The following RANBP2 variants were observed in gnomAD, a reference collection of about 807,000 sequenced individuals.
The protein encoded by RANBP2 is E3 SUMO-protein ligase RanBP2.
In RANBP2, 57 loss-of-function variants were observed where a neutral mutation model predicts 303.6. That is an observed-to-expected ratio of 0.19 (90% CI 0.15 to 0.23). RANBP2 has a LOEUF of 0.23. Ranked by LOEUF, RANBP2 falls within the 10% of genes least tolerant of loss-of-function variation. RANBP2 has a pLI of 1.00. For synonymous variants in RANBP2, 1,167 were observed against 1,301.5 expected, an observed-to-expected ratio of 0.90 and a Z score of 2.23; for missense variants, 3,138 against 3,780.8, an observed-to-expected ratio of 0.83 and a Z score of 4.46.
chr2:108,781,493 C>T (rs1006048401), intron 26 of RANBP2, 64 bp downstream of exon 26: 88 of 1,489,980 alleles, frequency 5.9e-5, no homozygotes, highest in Non-Finnish European at 7.7e-5. Context: ...TTTACCCTGG[C>T]TTGATCTGTC....
At chr2:108,768,703 A>C (rs1677288757) in intron 20 of RANBP2, among the ~76,000 whole-genome samples, 1 of 152,010 alleles carries the variant, frequency 6.6e-6, no homozygotes, top group Non-Finnish European at 1.5e-5. Context: ...TAAAGTGTTC[A>C]TTTTCATTTG....
chr2:109,087,906 A>G, the RANBP2 span, among the ~76,000 whole-genome samples: 1 of 152,214 alleles, frequency 6.6e-6, no homozygotes, highest in South Asian at 2.1e-4. Context: ...TGCCAGGCAG[A>G]CCAGACTGTG....
the RANBP2 span, chr2:109,564,641 T>C: frequency 3.1e-6 from 3 of 966,520 alleles, no homozygotes; most frequent in South Asian, 3.1e-5. Flanking sequence ...AAACAACAAA[T>C]AGCAAATGAT....
At chr2:109,710,086 C>CA in the RANBP2 span, among the ~76,000 whole-genome samples, 1,901 of 70,024 alleles carry the variant, frequency 0.027, 30 homozygotes, top group African/African-American at 0.084. Flanking sequence ...GACTCCGTCT[C>CA]AAAAAAAAAA....
chr2:108,867,805 G>T, the RANBP2 span, among the ~76,000 whole-genome samples: 1 of 152,190 alleles, frequency 6.6e-6, no homozygotes, highest in Admixed American at 6.5e-5. Context: ...GCTGTGTTAT[G>T]TTCCAGCCTT....
At chr2:109,659,021 C>T in the RANBP2 span, among the ~76,000 whole-genome samples, 1 of 151,932 alleles carries the variant, frequency 6.6e-6, no homozygotes, top group African/African-American at 2.4e-5. Flanking sequence ...GCCAAGATCA[C>T]GCCATTGCAC....
chr2:109,402,039 C>T, the RANBP2 span, among the ~76,000 whole-genome samples: 1 of 152,220 alleles, frequency 6.6e-6, no homozygotes, highest in East Asian at 1.9e-4. Flanking sequence ...CCGCCTGTCT[C>T]CCTGTCCTGA....
chr2:109,451,119 T>C, the RANBP2 span, among the ~76,000 whole-genome samples: 1 of 152,220 alleles, frequency 6.6e-6, no homozygotes, highest in South Asian at 2.1e-4. Flanking sequence ...TCCAGAGCAA[T>C]GGTTGTTCCC....
the RANBP2 span, among the ~76,000 whole-genome samples, chr2:108,940,825 C>A: frequency 6.6e-6 from 1 of 152,236 alleles, no homozygotes; most frequent in Non-Finnish European, 1.5e-5. Context: ...TGATTAGTGG[C>A]ACAGATTTTT....
the RANBP2 span, among the ~76,000 whole-genome samples, chr2:109,485,891 C>G: frequency 2.0e-5 from 3 of 152,260 alleles, no homozygotes; most frequent in African/African-American, 7.2e-5. Context: ...GTCCCTGGCC[C>G]TCCCTGGCCC....
the RANBP2 span, among the ~76,000 whole-genome samples, chr2:109,710,146 C>T: frequency 6.6e-6 from 1 of 151,402 alleles, no homozygotes. Flanking sequence ...CTTTGGGAGG[C>T]CGAGACGGGT....
At chr2:109,027,304 C>T in the RANBP2 span, among the ~76,000 whole-genome samples, 5 of 151,762 alleles carry the variant, frequency 3.3e-5, no homozygotes, top group African/African-American at 7.3e-5. Flanking sequence ...GGTGGGTCTC[C>T]TGGGGGACTA....
the RANBP2 span, among the ~76,000 whole-genome samples, chr2:109,338,308 G>A: frequency 3.9e-5 from 6 of 152,138 alleles, no homozygotes; most frequent in Admixed American, 1.3e-4. Flanking sequence ...CAGGCAGGGT[G>A]TGGCAGAATT....
At chr2:109,196,985 AGTTT>A in the RANBP2 span, among the ~76,000 whole-genome samples, 1 of 152,172 alleles carries the variant, frequency 6.6e-6, no homozygotes, top group Non-Finnish European at 1.5e-5. Flanking sequence ...ACAGGTGCTT[AGTTT>A]GATTTCCCTT....
chr2:109,434,066 G>A, the RANBP2 span, among the ~76,000 whole-genome samples: 11 of 152,184 alleles, frequency 7.2e-5, no homozygotes, highest in South Asian at 2.1e-4. Context: ...GCCTGCAACC[G>A]GCCTGTGCTT....
chr2:109,338,300 G>A, the RANBP2 span, among the ~76,000 whole-genome samples: 2 of 152,160 alleles, frequency 1.3e-5, no homozygotes, highest in Admixed American at 6.5e-5. Flanking sequence ...GCATGGAGCA[G>A]GCAGGGTGTG....
chr2:109,522,283 T>A, the RANBP2 span, among the ~76,000 whole-genome samples: 1,554 of 149,530 alleles, frequency 0.01, 12 homozygotes, highest in South Asian at 0.014. Flanking sequence ...TTCTTTTTTT[T>A]AAAAAAAAAC....
At chr2:109,357,314 T>C in the RANBP2 span, among the ~76,000 whole-genome samples, 1 of 152,096 alleles carries the variant, frequency 6.6e-6, no homozygotes, top group Non-Finnish European at 1.5e-5. Context: ...CCCGAGTAGC[T>C]GGGACTACAG....
At chr2:109,310,121 C>A in the RANBP2 span, among the ~76,000 whole-genome samples, 1 of 87,598 alleles carries the variant, frequency 1.1e-5, no homozygotes, top group East Asian at 3.4e-4. Context: ...TGTAAAAGAA[C>A]AGAAATTATA....
Sources: gnomAD v4.1 joint callset for allele counts (sites outside exome capture counted in the v4.1 genomes callset) on GRCh38, gnomAD v4.1.1 for gene constraint, MANE v1.5 for transcripts, NCBI Gene and HGNC (gene_info 2026-07-23, HGNC 2026-07-21) for gene names.